Variants in EXT1 observed in about 807,000 individuals in gnomAD.
EXT1 encodes the protein exostosin glycosyltransferase 1, also known as exostosin-1.
Under a neutral mutation model 82.5 loss-of-function variants are expected in EXT1, and 20 were observed. The ratio of observed to expected loss-of-function variants is 0.24; its 90% CI spans 0.17 to 0.35. EXT1 has a LOEUF of 0.35. Ranked by LOEUF, EXT1 falls within the 10% of genes least tolerant of loss-of-function variation. The probability of loss-of-function intolerance (pLI) is 1.00; values close to 1 mark genes in which losing one functional copy is unlikely to be tolerated. For missense variants in EXT1, 757 were observed against 936.5 expected (o/e 0.81, Z 2.50); for synonymous variants, 348 against 350.8 (o/e 0.99, Z 0.09).
At chr8:118,088,442 A>G (rs1817466516) in intron 1 of EXT1, among the ~76,000 whole-genome samples, 1 of 151,686 alleles carries the variant, frequency 6.6e-6, no homozygotes, top group Admixed American at 6.6e-5. Context: ...TGCAGCCACC[A>G]CAGAAGGACA....
At chr8:117,897,808 G>T (rs1297033536) in intron 1 of EXT1, among the ~76,000 whole-genome samples, 2 of 151,652 alleles carry the variant, frequency 1.3e-5, no homozygotes, top group Non-Finnish European at 2.9e-5. Context: ...TCACCATGTT[G>T]CCCAGGCTGG....
chr8:118,103,399 G>C (rs539887941), intron 1 of EXT1, among the ~76,000 whole-genome samples: 1 of 152,046 alleles, frequency 6.6e-6, no homozygotes, highest in Non-Finnish European at 1.5e-5. Context: ...CAATCCTCCC[G>C]CCTTAGCCTT....
chr8:117,969,368 G>C (rs1365504577), intron 1 of EXT1, among the ~76,000 whole-genome samples: 1 of 152,174 alleles, frequency 6.6e-6, no homozygotes, highest in Non-Finnish European at 1.5e-5. Context: ...CGTTTCCATA[G>C]TATTGTATAG....
At chr8:117,888,450 T>C (rs1360475610) in intron 1 of EXT1, among the ~76,000 whole-genome samples, 1 of 152,176 alleles carries the variant, frequency 6.6e-6, no homozygotes, top group Non-Finnish European at 1.5e-5. Flanking sequence ...AATATAATAG[T>C]TCTCATTCTG....
chr8:117,827,760 G>A (rs1430938335), intron 4 of EXT1, among the ~76,000 whole-genome samples: 6 of 129,526 alleles, frequency 4.6e-5, no homozygotes, highest in Admixed American at 9.0e-5. Context: ...ACTCCAGCCT[G>A]GGGGACAGGG....
intron 1 of EXT1, among the ~76,000 whole-genome samples, chr8:118,059,752 G>A (rs1816854107): frequency 6.6e-6 from 1 of 152,154 alleles, no homozygotes; most frequent in Non-Finnish European, 1.5e-5. Context: ...TCTACTATTT[G>A]AGGAAGGACC....
At chr8:117,964,681 C>T (rs562240960) in intron 1 of EXT1, among the ~76,000 whole-genome samples, 19 of 151,992 alleles carry the variant, frequency 1.3e-4, no homozygotes, top group East Asian at 7.7e-4. Context: ...CAGGCCCAGG[C>T]GGCTGGAGTG....
chr8:118,007,236 G>A (rs1563627688), intron 1 of EXT1, among the ~76,000 whole-genome samples: 1 of 152,032 alleles, frequency 6.6e-6, no homozygotes, highest in Admixed American at 6.5e-5. Context: ...GGCGGAGCTT[G>A]CAGTGAGCTG....
At chr8:117,829,990 TC>T (rs1434561534) in intron 4 of EXT1, among the ~76,000 whole-genome samples, 3 of 152,202 alleles carry the variant, frequency 2.0e-5, no homozygotes, top group African/African-American at 7.2e-5. Flanking sequence ...AGAGTCAATC[TC>T]TGTGTCAATA....
intron 1 of EXT1, among the ~76,000 whole-genome samples, chr8:117,876,072 G>C (rs886842968): frequency 6.6e-6 from 1 of 152,342 alleles, no homozygotes; most frequent in Middle Eastern, 3.4e-3. Flanking sequence ...AATATGTAGA[G>C]ATAAATAATA....
At chr8:117,983,967 C>T (rs1815259677) in intron 1 of EXT1, among the ~76,000 whole-genome samples, 1 of 152,206 alleles carries the variant, frequency 6.6e-6, no homozygotes, top group South Asian at 2.1e-4. Context: ...CCACTATTTA[C>T]GATGCAACAA....
chr8:117,882,992 A>G (rs1813087350), intron 1 of EXT1, among the ~76,000 whole-genome samples: 1 of 151,882 alleles, frequency 6.6e-6, no homozygotes. Flanking sequence ...AAAAAAAAAA[A>G]AAAAGAAAGA....
At chr8:118,005,734 G>A (rs4876785) in intron 1 of EXT1, among the ~76,000 whole-genome samples, 65,900 of 152,016 alleles carry the variant, frequency 0.43, 14,425 homozygotes, top group Admixed American at 0.49. Context: ...TTTCTTCTAC[G>A]TCACATGTAG....
intron 1 of EXT1, among the ~76,000 whole-genome samples, chr8:118,092,553 A>C (rs1033180936): frequency 6.6e-6 from 1 of 152,194 alleles, no homozygotes; most frequent in African/African-American, 2.4e-5. Flanking sequence ...CCCTGTCTAA[A>C]TTCCAGAATT....
chr8:117,864,044 TGCACTG>T (rs781112818), intron 1 of EXT1, among the ~76,000 whole-genome samples: 7 of 152,192 alleles, frequency 4.6e-5, no homozygotes, highest in Non-Finnish European at 8.8e-5. Flanking sequence ...GGAATTTTCC[TGCACTG>T]ACATATTAGC....
intron 1 of EXT1, among the ~76,000 whole-genome samples, chr8:118,084,996 T>C (rs751059824): frequency 6.6e-5 from 10 of 152,192 alleles, no homozygotes; most frequent in Non-Finnish European, 1.2e-4. Context: ...TGTATTACAA[T>C]AGATGTTTAT....
chr8:117,975,780 C>T (rs555849321), intron 1 of EXT1, among the ~76,000 whole-genome samples: 2 of 152,326 alleles, frequency 1.3e-5, no homozygotes, highest in East Asian at 3.9e-4. Context: ...ATGCTTGTTG[C>T]TCAAATAAAT....
At chr8:117,916,513 A>G (rs1813757157) in intron 1 of EXT1, among the ~76,000 whole-genome samples, 2 of 152,212 alleles carry the variant, frequency 1.3e-5, no homozygotes, top group Admixed American at 1.3e-4. Context: ...GAATAGCAAC[A>G]TATACGTAAT....
chr8:118,070,643 T>C (rs192649314), intron 1 of EXT1, among the ~76,000 whole-genome samples: 11 of 152,278 alleles, frequency 7.2e-5, no homozygotes, highest in African/African-American at 2.4e-4. Context: ...ACCAAACAAA[T>C]TCTTTTATGA....
Sources: allele counts gnomAD v4.1 joint callset (sites outside exome capture counted in the v4.1 genomes callset), GRCh38; gene constraint gnomAD v4.1.1; transcripts MANE v1.5; gene names NCBI Gene and HGNC (gene_info 2026-07-23, HGNC 2026-07-21).